The following ATG10 variants were observed in gnomAD, a reference collection of about 807,000 sequenced individuals.
ATG10 encodes ubiquitin-like-conjugating enzyme ATG10.
Under a neutral mutation model 32.1 loss-of-function variants are expected in ATG10, and 30 were observed. The observed-to-expected ratio is 0.94, with a 90% CI of 0.70 to 1.27. The LOEUF is 1.27. Ranked by LOEUF, ATG10 falls within the 50% of genes most tolerant of loss-of-function variation. ATG10 has a pLI of 0.00. For synonymous variants in ATG10, 87 were observed against 91.5 expected (o/e 0.95, Z 0.28); for missense variants, 233 against 262.3 (o/e 0.89, Z 0.77).
chr5:82,096,201 C>T (rs2149797660), intron 3 of ATG10, among the ~76,000 whole-genome samples: 1 of 152,292 alleles, frequency 6.6e-6, no homozygotes, highest in Middle Eastern at 3.4e-3. Context: ...TATTTTTATG[C>T]ACTGCTGTGA....
At chr5:82,131,504 T>C (rs1196023811) in intron 3 of ATG10, among the ~76,000 whole-genome samples, 1 of 152,152 alleles carries the variant, frequency 6.6e-6, no homozygotes, top group Non-Finnish European at 1.5e-5. Flanking sequence ...TTATTCCTGG[T>C]CAGTCTATAT....
rs537121347 is a variant in ATG10 at position 82,107,101 on chromosome 5, A to G, written c.216+48499A>G. Among the ~76,000 whole-genome samples the G allele has an allele frequency of 5.6e-4, 86 of 152,216 alleles. No homozygotes were observed. In the South Asian group the frequency reaches 6.4e-3, roughly 11 times the overall value. ...GAACACAAGAAGAATTTAACCTCTT[A>G]TGTTCCTAATCAATTTTAAAAATAT... On this transcript the variant is annotated intron_variant, in intron 3 of 7. Coordinates refer to ENST00000282185, the MANE Select transcript of ATG10 (RefSeq NM_031482.5).
In ATG10 at chr5:82,253,408, G is replaced by C. The variant is rs1192950420; in HGVS notation, c.646G>C (p.Glu216Gln). 1 of 1,597,340 alleles carries C rather than the reference G, an allele frequency of 6.3e-7. No homozygotes were observed. The highest frequency in any genetic ancestry group is 1.7e-5 in the Admixed American group (1 of 59,970). The change falls in exon 7 of 8, where the codon GAA becomes CAA. Residue 216 changes from glutamate to glutamine, a missense_variant. Physicochemically the swap from Glu to Gln is conservative, Grantham distance 29. Coordinates refer to ENST00000282185, the MANE Select transcript of ATG10 (RefSeq NM_031482.5). The stretch of plus-strand genomic sequence containing the variant: ...TTATGCCAAAGCAACGTCTCAGGAT[G>C]AACGAAATGTCCCTTAACAAGGTAA... ...LSYAKATSQD[E>Q]RNVP
chr5:82,043,056 C>T (rs1361338236), intron 2 of ATG10, among the ~76,000 whole-genome samples: 3 of 152,210 alleles, frequency 2.0e-5, no homozygotes, highest in African/African-American at 7.2e-5. Flanking sequence ...TCTGCACTGC[C>T]CTAGTAGAGG....
chr5:82,198,683 T>G (rs1462750917), intron 5 of ATG10, among the ~76,000 whole-genome samples: 1 of 152,240 alleles, frequency 6.6e-6, no homozygotes, highest in African/African-American at 2.4e-5. Flanking sequence ...TTTTGCCACA[T>G]TCTAAGGACA....
intron 3 of ATG10, among the ~76,000 whole-genome samples, chr5:82,083,526 T>A (rs1300269867): frequency 6.6e-6 from 1 of 152,204 alleles, no homozygotes; most frequent in Non-Finnish European, 1.5e-5. Flanking sequence ...ACGGACAGAC[T>A]GCCTCCTCAA....
intron 5 of ATG10, among the ~76,000 whole-genome samples, chr5:82,185,999 A>AG (rs1386017978): frequency 1.3e-5 from 2 of 152,218 alleles, no homozygotes; most frequent in African/African-American, 4.8e-5. Flanking sequence ...TATAGGTCTC[A>AG]GTGGGTATTT....
intron 2 of ATG10, among the ~76,000 whole-genome samples, chr5:82,057,911 G>C (rs944059819): frequency 6.6e-6 from 1 of 152,186 alleles, no homozygotes; most frequent in Non-Finnish European, 1.5e-5. Context: ...AACTAAGTAA[G>C]TTAAAGGATG....
intron 2 of ATG10, among the ~76,000 whole-genome samples, chr5:82,019,503 T>C (rs1214280226): frequency 2.6e-5 from 4 of 152,188 alleles, no homozygotes; most frequent in Non-Finnish European, 5.9e-5. Flanking sequence ...AATAATCTAC[T>C]AGCCACTGGG....
intron 3 of ATG10, among the ~76,000 whole-genome samples, chr5:82,160,896 A>G (rs1174215522): frequency 6.6e-6 from 1 of 152,166 alleles, no homozygotes; most frequent in Non-Finnish European, 1.5e-5. Flanking sequence ...GAAGTTTGTT[A>G]TAACATACTT....
chr5:82,066,395 T>G (rs1038124451), intron 3 of ATG10, among the ~76,000 whole-genome samples: 6 of 152,308 alleles, frequency 3.9e-5, no homozygotes, highest in Non-Finnish European at 7.4e-5. Flanking sequence ...TATTTATCCA[T>G]TTACTATCCT....
intron 3 of ATG10, among the ~76,000 whole-genome samples, chr5:82,123,179 A>G (rs1766117971): frequency 6.6e-6 from 1 of 152,212 alleles, no homozygotes; most frequent in African/African-American, 2.4e-5. Flanking sequence ...CTATGCAGCT[A>G]TAAAAAAGAA....
intron 4 of ATG10, among the ~76,000 whole-genome samples, chr5:82,171,445 T>C (rs1269268298): frequency 6.6e-6 from 1 of 152,236 alleles, no homozygotes; most frequent in Non-Finnish European, 1.5e-5. Flanking sequence ...ATTTGTGCTA[T>C]ATTAGATGTG....
chr5:82,139,967 C>T (rs1259622500), intron 3 of ATG10, among the ~76,000 whole-genome samples: 6 of 129,614 alleles, frequency 4.6e-5, no homozygotes, highest in South Asian at 2.6e-4. Context: ...CCCGGCCAGC[C>T]GCCCCGTCAG....
At chr5:82,222,721 C>T (rs371123204) in intron 5 of ATG10, among the ~76,000 whole-genome samples, 45 of 152,240 alleles carry the variant, frequency 3.0e-4, no homozygotes, top group African/African-American at 9.9e-4. Context: ...ATAGCTACCA[C>T]GTGGAGATTG....
intron 5 of ATG10, among the ~76,000 whole-genome samples, chr5:82,204,705 G>T (rs1286499864): frequency 6.6e-6 from 1 of 152,128 alleles, no homozygotes. Context: ...ATAAAAAGAA[G>T]CTACATTTAA....
chr5:82,061,977 G>A (rs1763796977), intron 3 of ATG10, among the ~76,000 whole-genome samples: 1 of 151,568 alleles, frequency 6.6e-6, no homozygotes, highest in Non-Finnish European at 1.5e-5. Flanking sequence ...CTGCAGGCAT[G>A]CACCACCATG....
intron 2 of ATG10, among the ~76,000 whole-genome samples, chr5:82,051,902 T>A (rs9293287): frequency 0.35 from 52,588 of 152,072 alleles, 10,381 homozygotes; most frequent in East Asian, 0.76. Flanking sequence ...GTTTCTTCTT[T>A]TTACCCCAAG....
chr5:82,151,590 A>C (rs112084667), intron 3 of ATG10, among the ~76,000 whole-genome samples: 93 of 151,900 alleles, frequency 6.1e-4, no homozygotes, highest in African/African-American at 2.1e-3. Context: ...TTTCAGACTA[A>C]GGGCTTTAAA....
Sources: gnomAD v4.1 joint callset for allele counts (sites outside exome capture counted in the v4.1 genomes callset) on GRCh38, gnomAD v4.1.1 for gene constraint, MANE v1.5 for transcripts, NCBI Gene and HGNC (gene_info 2026-07-23, HGNC 2026-07-21) for gene names.